The following SEL1L2 variants were observed in gnomAD, a reference collection of about 807,000 sequenced individuals.
SEL1L2 encodes the protein protein sel-1 homolog 2.
In SEL1L2, 89 loss-of-function variants were observed where a neutral mutation model predicts 98.8. The ratio of observed to expected loss-of-function variants is 0.90; its 90% CI spans 0.76 to 1.07. The LOEUF is 1.07. SEL1L2 is among the 50% of genes least tolerant of loss of function. The pLI, the probability that SEL1L2 is intolerant of heterozygous loss-of-function variation, is 0.00. For missense variants in SEL1L2, 788 were observed against 812.0 expected (o/e 0.97, Z 0.36); for synonymous variants, 262 against 278.5 (o/e 0.94, Z 0.59).
chr20:13,950,901 A>ACTT (rs2050229236), intron 2 of SEL1L2, among the ~76,000 whole-genome samples: 1 of 152,212 alleles, frequency 6.6e-6, no homozygotes, highest in Non-Finnish European at 1.5e-5. Context: ...AGTCATCAGG[A>ACTT]GACAACTAGG....
chr20:13,981,902 T>C (rs1405318503), intron 1 of SEL1L2, among the ~76,000 whole-genome samples: 1 of 152,228 alleles, frequency 6.6e-6, no homozygotes, highest in Non-Finnish European at 1.5e-5. Context: ...AAAATAGCAC[T>C]GGTAGAAGCA....
intron 3 of SEL1L2, among the ~76,000 whole-genome samples, chr20:13,930,164 C>T (rs529836152): frequency 6.6e-6 from 1 of 152,216 alleles, no homozygotes; most frequent in African/African-American, 2.4e-5. Context: ...GACCACACCA[C>T]ATCAATGGAC....
At chr20:13,892,928 T>C (rs1444852243) in intron 5 of SEL1L2, among the ~76,000 whole-genome samples, 2 of 152,228 alleles carry the variant, frequency 1.3e-5, no homozygotes, top group Non-Finnish European at 2.9e-5. Context: ...AAGAGTTATA[T>C]GGCAGGGTGA....
intron 12 of SEL1L2, among the ~76,000 whole-genome samples, chr20:13,871,016 A>G (rs1392727928): frequency 6.6e-6 from 1 of 151,874 alleles, no homozygotes; most frequent in African/African-American, 2.4e-5. Context: ...TAGGAATTGA[A>G]GGAGATCAAG....
At chr20:13,915,334 C>T in intron 4 of SEL1L2, 2 of 995,956 alleles carry the variant, frequency 2.0e-6, no homozygotes, top group Non-Finnish European at 2.7e-6. Context: ...TAACCCAGGT[C>T]AAAGCCAGCT....
intron 10 of SEL1L2, among the ~76,000 whole-genome samples, chr20:13,879,010 T>C (rs2046566631): frequency 6.6e-6 from 1 of 152,218 alleles, no homozygotes; most frequent in Non-Finnish European, 1.5e-5. Flanking sequence ...AATAGCACCA[T>C]CAGAGGGTAT....
rs2048533188 is a variant in SEL1L2 at position 13,919,027 on chromosome 20, T to G, written c.380A>C (p.Lys127Thr). 3 of 1,608,852 alleles carry G rather than the reference T, an allele frequency of 1.9e-6. No homozygotes were observed. In the Admixed American group the frequency reaches 5.0e-5, roughly 27 times the overall value. ...TCACTGGATAAAGACTTACTCTTCT[T>G]TTTGTTTTTGGCTTTTAGACTGCTG... ...VLQQSKSQKQ[K>T]EEAYLLFAKA... Residue 127 changes from lysine to threonine, a missense_variant, in exon 4 of 20, where the codon AAA becomes ACA. By Grantham distance (78) the Lys-to-Thr change is moderately conservative (BLOSUM62 -1). Transcript: ENST00000284951.
chr20:13,902,338 C>A (rs776711708), intron 5 of SEL1L2, among the ~76,000 whole-genome samples: 1 of 152,184 alleles, frequency 6.6e-6, no homozygotes, highest in Admixed American at 6.5e-5. Context: ...CACCCATACT[C>A]TATTGTGCAG....
chr20:13,895,726 G>A (rs1294251164), intron 5 of SEL1L2, among the ~76,000 whole-genome samples: 1 of 152,200 alleles, frequency 6.6e-6, no homozygotes, highest in East Asian at 1.9e-4. Flanking sequence ...ATTCAGCATA[G>A]TCATGGAAGT....
At chr20:13,982,577 AAAAAAAG>A (rs1373894119) in intron 1 of SEL1L2, among the ~76,000 whole-genome samples, 2 of 151,736 alleles carry the variant, frequency 1.3e-5, no homozygotes, top group Non-Finnish European at 2.9e-5. Flanking sequence ...CAAAAAATTA[AAAAAAAG>A]AAAAAAGAAA....
chr20:13,878,666 C>A (rs2046550346), intron 10 of SEL1L2, among the ~76,000 whole-genome samples: 1 of 152,180 alleles, frequency 6.6e-6, no homozygotes, highest in Admixed American at 6.5e-5. Flanking sequence ...AGTACAAATG[C>A]TGCCACAGTT....
intron 15 of SEL1L2, among the ~76,000 whole-genome samples, chr20:13,865,835 G>C (rs985283398): frequency 1.5e-5 from 1 of 68,646 alleles, no homozygotes; most frequent in African/African-American, 4.2e-5. Flanking sequence ...GTGTGTCTGT[G>C]TGTGTGTGTG....
At chr20:13,951,998 C>T (rs1025984536) in intron 2 of SEL1L2, among the ~76,000 whole-genome samples, 15 of 152,184 alleles carry the variant, frequency 9.9e-5, no homozygotes, top group East Asian at 1.9e-4. Flanking sequence ...ATACTCATCA[C>T]GCAGAGGTTT....
At chr20:13,915,379 T>C in intron 4 of SEL1L2, 1 of 531,342 alleles carries the variant, frequency 1.9e-6, no homozygotes, top group Non-Finnish European at 3.0e-6. Context: ...ACAAGGCAGA[T>C]GGTCTCAAGG....
At chr20:13,864,352 G>C (rs1990655991) in intron 17 of SEL1L2, among the ~76,000 whole-genome samples, 1 of 152,152 alleles carries the variant, frequency 6.6e-6, no homozygotes, top group Non-Finnish European at 1.5e-5. Context: ...TGTGAAAAGG[G>C]ATGATTTGGC....
chr20:13,859,349 G>C lies in SEL1L2; in HGVS notation c.1731C>G (p.His577Gln). Residue 577 changes from histidine to glutamine, a missense_variant, in exon 18 of 20, where the codon CAC (histidine) becomes CAG (glutamine). Coordinates refer to ENST00000284951, the MANE Select transcript of SEL1L2 (RefSeq NM_025229.2). Reference protein sequence around the residue: ...TKKDYQTAATHYSIAANKYHN... With the variant: ...TKKDYQTAATQYSIAANKYHN... ...GGTATTTGTTGGCTGCAATGCTGTA[G>C]TGTGTGGCTGCTGTTTGATAGTCTT... 1 of 1,614,132 alleles carries C rather than the reference G, an allele frequency of 6.2e-7. No individual in the cohort carries two copies. The highest frequency in any genetic ancestry group is 8.5e-7 in the Non-Finnish European group (1 of 1,179,980).
At chr20:13,933,196 G>A (rs2148324156) in intron 2 of SEL1L2, among the ~76,000 whole-genome samples, 1 of 151,984 alleles carries the variant, frequency 6.6e-6, no homozygotes, top group Admixed American at 6.6e-5. Context: ...GTACTCCAGA[G>A]TGACTCTCAA....
rs563275076 is a variant in SEL1L2, at chr20:13,898,934, G to A, written c.550-10422C>T. On this transcript the variant is annotated intron_variant, in intron 5 of 19. Coordinates refer to ENST00000284951, the MANE Select transcript of SEL1L2 (RefSeq NM_025229.2). ...ATTTTTGTATTTTTAGTAGAGATGGGGTTTCACCATGTTGGCCAGCTGGTC... is the reference window on the plus strand; with the variant it reads ...ATTTTTGTATTTTTAGTAGAGATGGAGTTTCACCATGTTGGCCAGCTGGTC... 1.1e-4 allele frequency among the ~76,000 whole-genome samples: 17 copies of A among 152,132 alleles called. 1 individual carries two copies. In the South Asian group the frequency reaches 3.3e-3, roughly 30 times the overall value.
chr20:13,933,337 C>T (rs1472075224), intron 2 of SEL1L2, among the ~76,000 whole-genome samples: 1 of 152,082 alleles, frequency 6.6e-6, no homozygotes, highest in African/African-American at 2.4e-5. Context: ...CAGACATGTG[C>T]AACCATTACC....
Sources: gnomAD v4.1 joint callset for allele counts (sites outside exome capture counted in the v4.1 genomes callset) on GRCh38, gnomAD v4.1.1 for gene constraint, MANE v1.5 for transcripts, NCBI Gene and HGNC (gene_info 2026-07-23, HGNC 2026-07-21) for gene names.